The following KIZ variants were observed in gnomAD, a reference collection of about 807,000 sequenced individuals.
The protein encoded by KIZ is centrosomal protein kizuna.
Under a neutral mutation model 79.6 loss-of-function variants are expected in KIZ, and 68 were observed. The observed-to-expected ratio is 0.85, with a 90% CI of 0.70 to 1.05. The LOEUF is 1.05. KIZ is among the 50% of genes least tolerant of loss of function. The pLI is 0.00. For missense variants in KIZ, 797 were observed against 800.4 expected, an observed-to-expected ratio of 1.00 and a Z score of 0.05; for synonymous variants, 280 against 281.8, an observed-to-expected ratio of 0.99 and a Z score of 0.06.
At chr20:21,142,627 C>CA (rs1440576614) in intron 3 of KIZ, among the ~76,000 whole-genome samples, 1 of 151,634 alleles carries the variant, frequency 6.6e-6, no homozygotes, top group East Asian at 1.9e-4. Context: ...CCTGTCTCTA[C>CA]AAAAAAATAG....
intron 6 of KIZ, among the ~76,000 whole-genome samples, chr20:21,204,565 C>T (rs1218481140): frequency 6.6e-6 from 1 of 151,728 alleles, no homozygotes; most frequent in East Asian, 1.9e-4. Flanking sequence ...TTAAATTGTC[C>T]CATCTTTGAC....
intron 6 of KIZ, among the ~76,000 whole-genome samples, chr20:21,185,890 A>G (rs982685950): frequency 1.3e-5 from 2 of 151,874 alleles, no homozygotes; most frequent in African/African-American, 4.8e-5. Flanking sequence ...ATTATTCTAC[A>G]TTCTAAGTTC....
intron 6 of KIZ, among the ~76,000 whole-genome samples, chr20:21,179,635 T>C (rs977422426): frequency 2.0e-5 from 3 of 152,172 alleles, no homozygotes; most frequent in Admixed American, 6.5e-5. Flanking sequence ...TTGTTCTGTT[T>C]TTCTACTTAA....
chr20:21,201,399 C>G (rs929177757), intron 6 of KIZ, among the ~76,000 whole-genome samples: 1 of 152,036 alleles, frequency 6.6e-6, no homozygotes, highest in Non-Finnish European at 1.5e-5. Context: ...TTATTTTTTT[C>G]CAGGTGCAAC....
chr20:21,214,999 C>A (rs1356759092), intron 8 of KIZ, among the ~76,000 whole-genome samples: 2 of 152,104 alleles, frequency 1.3e-5, no homozygotes, highest in African/African-American at 4.8e-5. Flanking sequence ...TAATTTTGAT[C>A]CCTCAAAGAT....
chr20:21,213,780 A>G (rs1480596285), intron 7 of KIZ: 1 of 152,198 alleles, frequency 6.6e-6, no homozygotes, highest in Non-Finnish European at 1.5e-5. Context: ...TCCACCTCTA[A>G]GGTTGGCTCT....
chr20:21,195,362 T>C (rs2035295299), intron 6 of KIZ: 1 of 152,168 alleles, frequency 6.6e-6, no homozygotes, highest in African/African-American at 2.4e-5. Flanking sequence ...TTAAAAACAA[T>C]AACGAGACCA....
intron 7 of KIZ, among the ~76,000 whole-genome samples, chr20:21,209,454 G>A (rs894910720): frequency 2.0e-5 from 3 of 152,086 alleles, no homozygotes; most frequent in African/African-American, 7.2e-5. Flanking sequence ...TCGGGGTCCT[G>A]CCCCCACCAT....
rs149471937 is a variant in KIZ at position 21,217,607 on chromosome 20, C to T, written c.1678+1959C>T. Among the ~76,000 whole-genome samples the T allele has an allele frequency of 3.1e-3, 465 of 152,278 alleles. 4 individuals are homozygous for T. The highest frequency in any genetic ancestry group is 0.011 in the African/African-American group (445 of 41,564). On this transcript the variant is annotated intron_variant, in intron 9 of 12. Transcript: ENST00000619189. ...GGGCTGGGGCTTTGCAACCAGCCAT[C>T]AGTGTCAGCTCTTTTACTCCTTGCT...
At chr20:21,202,305 G>A (rs2035629916) in intron 6 of KIZ, 1 of 152,202 alleles carries the variant, frequency 6.6e-6, no homozygotes, top group Non-Finnish European at 1.5e-5. Context: ...CTTATTATAA[G>A]AAATGTACCT....
intron 4 of KIZ, among the ~76,000 whole-genome samples, 161 bp downstream of exon 4, chr20:21,145,815 G>A (rs2032817672): frequency 6.6e-6 from 1 of 152,158 alleles, no homozygotes; most frequent in Non-Finnish European, 1.5e-5. Context: ...TTGCTTTAAT[G>A]TCTAATTTAA....
At chr20:21,233,697 A>C (rs2036906336) in intron 11 of KIZ, among the ~76,000 whole-genome samples, 1 of 152,186 alleles carries the variant, frequency 6.6e-6, no homozygotes, top group Admixed American at 6.5e-5. Flanking sequence ...CATAAGAGAA[A>C]ATGATTTGAA....
chr20:21,151,741 T>G (rs2033128592), intron 4 of KIZ: 1 of 152,210 alleles, frequency 6.6e-6, no homozygotes, highest in Non-Finnish European at 1.5e-5. Context: ...GCCTAGAACT[T>G]TCTTGGAAAA....
At chr20:21,172,857 T>A (rs2122818951) in intron 6 of KIZ, among the ~76,000 whole-genome samples, 2 of 152,284 alleles carry the variant, frequency 1.3e-5, no homozygotes, top group East Asian at 3.9e-4. Context: ...TCTTCTCTCC[T>A]CTGGGAGAGA....
intron 4 of KIZ, among the ~76,000 whole-genome samples, chr20:21,147,787 C>T (rs1255999063): frequency 3.3e-5 from 5 of 152,172 alleles, no homozygotes; most frequent in Admixed American, 2.6e-4. Flanking sequence ...GAAGATTCTG[C>T]TTCCTGTGAA....
chr20:21,185,739 T>A (rs2034852178), intron 6 of KIZ, among the ~76,000 whole-genome samples: 1 of 148,550 alleles, frequency 6.7e-6, no homozygotes, highest in South Asian at 2.1e-4. Flanking sequence ...TTAAACAGAG[T>A]CTTGCTCTGT....
At chr20:21,134,726 G>T (rs981894642) in intron 2 of KIZ, among the ~76,000 whole-genome samples, 1 of 149,420 alleles carries the variant, frequency 6.7e-6, no homozygotes, top group Non-Finnish European at 1.5e-5. Flanking sequence ...GAGTGCAGTG[G>T]TGTGATCTCG....
intron 4 of KIZ, chr20:21,158,544 A>G (rs1317630357): frequency 6.6e-6 from 1 of 152,252 alleles, no homozygotes; most frequent in Non-Finnish European, 1.5e-5. Context: ...ATAGGATAAT[A>G]TGCAGCTGTT....
At chr20:21,168,673 C>T (rs1359076940) in intron 6 of KIZ, among the ~76,000 whole-genome samples, 3 of 152,182 alleles carry the variant, frequency 2.0e-5, no homozygotes, top group East Asian at 1.9e-4. Context: ...CGCTACCTGA[C>T]TTCAAACTAT....
Sources: allele counts gnomAD v4.1 joint callset (sites outside exome capture counted in the v4.1 genomes callset), GRCh38; gene constraint gnomAD v4.1.1; transcripts MANE v1.5; gene names NCBI Gene and HGNC (gene_info 2026-07-23, HGNC 2026-07-21).